Variants in GJA5 observed in about 807,000 individuals in gnomAD.
The protein encoded by GJA5 is gap junction alpha-5 protein.
Under a neutral mutation model 7.9 loss-of-function variants are expected in GJA5, and 3 were observed. That is an observed-to-expected ratio of 0.38 (90% confidence interval 0.17 to 0.99). The LOEUF (loss-of-function observed/expected upper bound fraction) is 0.99, where lower values mean the gene tolerates loss of function less well. GJA5 is among the 50% of genes least tolerant of loss of function. The probability of loss-of-function intolerance (pLI) is 0.38; values close to 1 mark genes in which losing one functional copy is unlikely to be tolerated. For synonymous variants in GJA5, 193 were observed against 181.0 expected (o/e 1.07, Z -0.53); for missense variants, 390 against 457.9 (o/e 0.85, Z 1.35).
chr1:147,772,106 C>T (rs1247344396), intron 1 of GJA5, among the ~76,000 whole-genome samples: 1 of 152,160 alleles, frequency 6.6e-6, no homozygotes, highest in African/African-American at 2.4e-5. Flanking sequence ...TTCTCTCCTT[C>T]AGTTTTGCTG....
chr1:147,772,065 C>T (rs1455192314), intron 1 of GJA5, among the ~76,000 whole-genome samples: 2 of 152,118 alleles, frequency 1.3e-5, no homozygotes, highest in East Asian at 1.9e-4. Flanking sequence ...CAGTCAGAGG[C>T]GCTGCACCTC....
chr1:147,766,617 G>A (rs1245172113), intron 1 of GJA5, among the ~76,000 whole-genome samples: 2 of 152,082 alleles, frequency 1.3e-5, no homozygotes, highest in Non-Finnish European at 2.9e-5. Context: ...CCATCACTGT[G>A]GACTACTCTC....
chr1:147,769,114 G>A (rs1272434391), intron 1 of GJA5, among the ~76,000 whole-genome samples: 2 of 152,186 alleles, frequency 1.3e-5, no homozygotes, highest in Non-Finnish European at 1.5e-5. Flanking sequence ...TATTACATTG[G>A]GGCCCTCAGC....
chr1:147,769,536 T>G (rs1171190305), intron 1 of GJA5, among the ~76,000 whole-genome samples: 6 of 152,208 alleles, frequency 3.9e-5, no homozygotes, highest in Non-Finnish European at 8.8e-5. Context: ...CTCAATGATA[T>G]TAGTTCCTTG....
rs782200107 is a variant in GJA5 at position 147,759,286 on chromosome 1, G to C, written c.-33-15C>G. 8 of 1,159,954 alleles carry C rather than the reference G, an allele frequency of 6.9e-6. No homozygotes were observed. Among genetic ancestry groups the C allele is most frequent in the South Asian group, 2.4e-5 (2 of 82,054 alleles). 71.9% of individuals were successfully genotyped at this position (1,159,954 alleles called of 1,614,324 possible). A position where few individuals can be genotyped will look rare whatever the true frequency, so the allele number is the denominator to read the frequency against. On this transcript the variant is annotated splice_polypyrimidine_tract_variant and intron_variant, in intron 1 of 1. Coordinates refer to ENST00000579774, the MANE Select transcript of GJA5 (RefSeq NM_181703.4). ...TGCCAAAACTTCTGCAAATGGGAGA[G>C]AGAGAAAGAGAGAAAAGAAGAAGGA...
upstream of GJA5, among the ~76,000 whole-genome samples, chr1:147,762,013 C>T (rs1032924272): frequency 2.0e-5 from 3 of 152,198 alleles, no homozygotes; most frequent in Non-Finnish European, 4.4e-5. Flanking sequence ...CTTTCCTCAC[C>T]TGCAAAATGG....
intron 1 of GJA5, among the ~76,000 whole-genome samples, chr1:147,772,789 G>GAAAA (rs10687653): frequency 0.12 from 14,854 of 125,732 alleles, 2,107 homozygotes; most frequent in African/African-American, 0.33. Flanking sequence ...GCCTTAGGGA[G>GAAAA]AAAAAAAAAA....
intron 1 of GJA5, among the ~76,000 whole-genome samples, chr1:147,770,065 C>G (rs1553228820): frequency 6.6e-6 from 1 of 152,048 alleles, no homozygotes; most frequent in Non-Finnish European, 1.5e-5. Flanking sequence ...ACTCTGTGAT[C>G]TGAGGGTAAG....
chr1:147,764,124 C>T (rs2047280), upstream of GJA5, among the ~76,000 whole-genome samples: 33,723 of 152,012 alleles, frequency 0.22, 4,712 homozygotes, highest in African/African-American at 0.4. Context: ...TGCTCCTTCT[C>T]GTGGTCCCCC....
In GJA5 at chr1:147,758,447, G is replaced by A; in HGVS notation, c.792C>T (p.Pro264=). The change falls in exon 2 of 2, where the codon CCC becomes CCT. Residue 264 remains proline, a synonymous_variant. Coordinates refer to ENST00000579774, the MANE Select transcript of GJA5 (RefSeq NM_181703.4). ...SVGIVQSCTP[P]PDFNQCLENG... is the part of the protein sequence containing the mutation. ...TCTCCAGGCACTGATTAAAGTCGGG[G>A]GGTGGTGTGCAGCTCTGGACTATGC... 1 of 1,614,192 alleles carries A rather than the reference G, an allele frequency of 6.2e-7. No homozygotes were observed. Among genetic ancestry groups the A allele is most frequent in the Non-Finnish European group, 8.5e-7 (1 of 1,180,022 alleles).
At chr1:147,764,618 A>C (rs186839331), upstream of GJA5, among the ~76,000 whole-genome samples, 2,925 of 152,180 alleles carry the variant, frequency 0.019, 40 homozygotes, top group Non-Finnish European at 0.032. Context: ...TGAGGTCAGG[A>C]GTTTAAGACC....
intron 1 of GJA5, among the ~76,000 whole-genome samples, chr1:147,765,805 G>A (rs1664180955): frequency 6.6e-6 from 1 of 152,084 alleles, no homozygotes; most frequent in South Asian, 2.1e-4. Flanking sequence ...GGATGTAAAG[G>A]ACTGCACAAT....
At chr1:147,759,966 T>A (rs1275018243) in intron 1 of GJA5, among the ~76,000 whole-genome samples, 1 of 152,024 alleles carries the variant, frequency 6.6e-6, no homozygotes, top group Non-Finnish European at 1.5e-5. Context: ...GGAAGCACTC[T>A]GCAAAAATCA....
chr1:147,770,808 T>G (rs1664369452), intron 1 of GJA5, among the ~76,000 whole-genome samples: 1 of 152,180 alleles, frequency 6.6e-6, no homozygotes, highest in African/African-American at 2.4e-5. Context: ...TTTACTAATA[T>G]ATCAGAAACA....
intron 1 of GJA5, among the ~76,000 whole-genome samples, chr1:147,773,049 A>C (rs1553229245): frequency 6.6e-6 from 1 of 152,156 alleles, no homozygotes; most frequent in African/African-American, 2.4e-5. Context: ...CAAGGAAGTA[A>C]TTTATCTGCT....
rs782450132 is a variant in GJA5 at position 147,758,297 on chromosome 1, C to T, written c.942G>A (p.Gln314=). The change falls in exon 2 of 2, where the codon CAG becomes CAA. Residue 314 remains glutamine, a synonymous_variant. Transcript: ENST00000579774. ...QEQTPGEGFI[Q]VRYGQKPEVP... The stretch of plus-strand genomic sequence containing the variant: ...CCTCAGGCTTCTGGCCATAACGAAC[C>T]TGGATGAAACCTTCCCCAGGAGTCT... 6.2e-7 allele frequency: 1 copy of T among 1,614,160 alleles called. No homozygotes were observed. Among genetic ancestry groups the T allele is most frequent in the South Asian group, 1.1e-5 (1 of 91,078 alleles).
At chr1:147,764,935 C>T (rs1249124443), upstream of GJA5, among the ~76,000 whole-genome samples, 1 of 151,822 alleles carries the variant, frequency 6.6e-6, no homozygotes, top group African/African-American at 2.4e-5. Flanking sequence ...AAAGCCCTGT[C>T]TTCTACTTTG....
rs1264619364 is a variant in GJA5 at position 147,759,283 on chromosome 1, A to G, written c.-33-12T>C. On this transcript the variant is annotated splice_polypyrimidine_tract_variant and intron_variant, in intron 1 of 1. Transcript: ENST00000579774. ...AGATGCCAAAACTTCTGCAAATGGG[A>G]GAGAGAGAAAGAGAGAAAAGAAGAA... 8.6e-7 allele frequency: 1 copy of G among 1,165,176 alleles called. No homozygotes were observed. Among genetic ancestry groups the G allele is most frequent in the Non-Finnish European group, 1.3e-6 (1 of 774,264 alleles). 72.2% of individuals were successfully genotyped at this position (1,165,176 alleles called of 1,614,324 possible).
chr1:147,759,481 A>T (rs928236080), intron 1 of GJA5, among the ~76,000 whole-genome samples: 13 of 152,368 alleles, frequency 8.5e-5, no homozygotes, highest in African/African-American at 2.9e-4. Context: ...TAGCCATATT[A>T]GCAAAATTAG....
Sources: allele counts gnomAD v4.1 joint callset (sites outside exome capture counted in the v4.1 genomes callset), GRCh38; gene constraint gnomAD v4.1.1; transcripts MANE v1.5; gene names NCBI Gene and HGNC (gene_info 2026-07-23, HGNC 2026-07-21).